EHD1: variants seen among roughly 807,000 people sequenced by gnomAD.
EHD1 encodes the protein EH domain-containing protein 1.
Under a neutral mutation model 39.0 loss-of-function variants are expected in EHD1, and 19 were observed. The observed-to-expected ratio is 0.49, with a 90% confidence interval of 0.34 to 0.72. The LOEUF (loss-of-function observed/expected upper bound fraction) is 0.72. EHD1 is among the 30% of genes least tolerant of loss of function. The probability of loss-of-function intolerance (pLI) is 0.01; values close to 1 mark genes in which losing one functional copy is unlikely to be tolerated. For synonymous variants in EHD1, 323 were observed against 331.2 expected, an observed-to-expected ratio of 0.98 and a Z score of 0.27; for missense variants, 542 against 751.5, an observed-to-expected ratio of 0.72 and a Z score of 3.26.
At chr11:64,855,706 A>T in intron 3 of EHD1, 1 of 598,626 alleles carries the variant, frequency 1.7e-6, no homozygotes, top group Non-Finnish European at 2.9e-6. Flanking sequence ...CACAGGACAG[A>T]GGACAGGACA....
chr11:64,857,565 G>C (rs1432802395), intron 3 of EHD1, among the ~76,000 whole-genome samples: 1 of 152,202 alleles, frequency 6.6e-6, no homozygotes, highest in Non-Finnish European at 1.5e-5. Context: ...TCATCTACAG[G>C]GTGAGGTGGG....
At chr11:64,869,140 A>C (rs1437685198) in intron 2 of EHD1, among the ~76,000 whole-genome samples, 2 of 152,214 alleles carry the variant, frequency 1.3e-5, no homozygotes, top group Non-Finnish European at 2.9e-5. Context: ...TCATCCCCCA[A>C]ATATAAACGG....
intron 2 of EHD1, among the ~76,000 whole-genome samples, chr11:64,861,019 C>CA (rs34278325): frequency 0.82 from 91,893 of 112,296 alleles, 38,501 homozygotes; most frequent in Non-Finnish European, 0.92. Context: ...GACTCCATCT[C>CA]AAAAAAAAAA....
upstream of EHD1, chr11:64,878,996 C>T (rs1209502954): frequency 3.0e-6 from 3 of 997,720 alleles, no homozygotes; most frequent in African/African-American, 1.7e-5. Context: ...CAGTCAGGCA[C>T]CCTGGTTCCC....
intron 2 of EHD1, among the ~76,000 whole-genome samples, chr11:64,867,943 C>A (rs1236412969): frequency 2.0e-5 from 3 of 152,194 alleles, no homozygotes; most frequent in Non-Finnish European, 4.4e-5. Flanking sequence ...CTCCTCCAGG[C>A]CACTGCGGCT....
At chr11:64,871,618 T>C (rs1943831654) in intron 2 of EHD1, among the ~76,000 whole-genome samples, 1 of 152,248 alleles carries the variant, frequency 6.6e-6, no homozygotes, top group Non-Finnish European at 1.5e-5. Flanking sequence ...TTTGATCTTC[T>C]GCTACTTCAC....
At chr11:64,855,280 C>T (rs1409444681) in intron 4 of EHD1, 42 bp downstream of exon 4, 1 of 1,603,772 alleles carries the variant, frequency 6.2e-7, no homozygotes, top group Non-Finnish European at 8.5e-7. Flanking sequence ...TCCTTCTGCC[C>T]TGATGGCCAC....
chr11:64,867,585 G>T (rs1943781860), intron 2 of EHD1, among the ~76,000 whole-genome samples: 1 of 152,110 alleles, frequency 6.6e-6, no homozygotes, highest in South Asian at 2.1e-4. Flanking sequence ...TGGGCGTGGT[G>T]GCAGGCGCCT....
chr11:64,857,556 C>T (rs1325678830), intron 3 of EHD1, among the ~76,000 whole-genome samples: 5 of 152,224 alleles, frequency 3.3e-5, no homozygotes, highest in Non-Finnish European at 7.3e-5. Flanking sequence ...GAGAATTCCT[C>T]ATCTACAGGG....
intron 2 of EHD1, among the ~76,000 whole-genome samples, chr11:64,869,183 A>G (rs1028432310): frequency 5.3e-5 from 8 of 152,364 alleles, no homozygotes; most frequent in East Asian, 3.9e-4. Context: ...GCTGCTCCCC[A>G]GCCCACCGCC....
intron 3 of EHD1, among the ~76,000 whole-genome samples, chr11:64,857,124 T>C (rs1943661863): frequency 6.6e-6 from 1 of 151,982 alleles, no homozygotes; most frequent in Admixed American, 6.5e-5. Context: ...AAGGGAGAGA[T>C]CTAGAAAAAC....
chr11:64,862,724 C>A (rs1425089990), intron 2 of EHD1, among the ~76,000 whole-genome samples: 1 of 152,070 alleles, frequency 6.6e-6, no homozygotes, highest in Non-Finnish European at 1.5e-5. Context: ...TAGCAAAATC[C>A]CGACTCTACA....
In EHD1 at chr11:64,854,804, C is replaced by A; in HGVS notation, c.1134G>T (p.Leu378=). ...CCAGCATGTCATCCACCGTGTCCAGCAGCTTGGGCTTCAGCGCCTGGAACT... is the reference window on the plus strand; with the variant it reads ...CCAGCATGTCATCCACCGTGTCCAGAAGCTTGGGCTTCAGCGCCTGGAACT... ...FSKFQALKPK[L]LDTVDDMLAN... Residue 378 remains leucine, a synonymous_variant, in exon 5 of 5, where the codon CTG becomes CTT. Coordinates refer to ENST00000320631, the MANE Select transcript of EHD1 (RefSeq NM_006795.4). The A allele has an allele frequency of 6.2e-7, 1 of 1,603,174 alleles. No individual in the cohort carries two copies. The highest frequency in any genetic ancestry group is 8.5e-7 in the Non-Finnish European group (1 of 1,179,972).
Sources: gnomAD v4.1 joint callset for allele counts (sites outside exome capture counted in the v4.1 genomes callset) on GRCh38, gnomAD v4.1.1 for gene constraint, MANE v1.5 for transcripts, NCBI Gene and HGNC (gene_info 2026-07-23, HGNC 2026-07-21) for gene names.